DYDC2: variants seen among roughly 807,000 people sequenced by gnomAD.
DYDC2 encodes DPY30 domain-containing protein 2.
In DYDC2, 19 loss-of-function variants were observed where a neutral mutation model predicts 18.7. That is an observed-to-expected ratio of 1.02 (90% CI 0.71 to 1.49). The LOEUF (loss-of-function observed/expected upper bound fraction) is 1.49, where lower values mean the gene tolerates loss of function less well. Ranked by LOEUF, DYDC2 falls within the 40% of genes most tolerant of loss-of-function variation. The pLI is 0.00. For missense variants in DYDC2, 179 were observed against 205.1 expected (o/e 0.87, Z 0.78); for synonymous variants, 63 against 67.6 (o/e 0.93, Z 0.34).
intron 1 of DYDC2, among the ~76,000 whole-genome samples, chr10:80,357,218 G>A: frequency 6.7e-6 from 1 of 150,120 alleles, no homozygotes; most frequent in Non-Finnish European, 1.5e-5. Context: ...AGAGAGAAGC[G>A]GGCGCGCTCC....
chr10:80,356,538 G>A (rs916250425), upstream of DYDC2: 25 of 985,522 alleles, frequency 2.5e-5, no homozygotes, highest in African/African-American at 2.8e-4. Flanking sequence ...AGGGGGAGCA[G>A]GAGGACAGCT....
Position 80,367,140 on chromosome 10 carries a change from A to G in DYDC2, c.*189A>G. On this transcript the variant is annotated 3_prime_UTR_variant, in exon 5 of 5. Coordinates refer to ENST00000256039, the MANE Select transcript of DYDC2 (RefSeq NM_032372.6). ...TATAGGATAAAATAAACTCAGAATA[A>G]GGATTTAAAATAAGTAACCAAGTGG... is the stretch of plus-strand genomic sequence containing the variant. The G allele has an allele frequency of 1.5e-6, 1 of 657,530 alleles. No individual in the cohort carries two copies. The highest frequency in any genetic ancestry group is 2.4e-6 in the Non-Finnish European group (1 of 417,646). 40.7% of individuals were successfully genotyped at this position (657,530 alleles called of 1,614,324 possible).
At chr10:80,362,179 C>A (rs1195226089) in intron 2 of DYDC2, among the ~76,000 whole-genome samples, 2 of 152,132 alleles carry the variant, frequency 1.3e-5, no homozygotes, top group Admixed American at 1.3e-4. Context: ...ATTTGCTGGG[C>A]TCTTTTGGAA....
Position 80,363,020 on chromosome 10 carries a change from A to G in DYDC2, c.217A>G (p.Met73Val). ...CCTCAAGGAAATGGAAATGACAGAAATGCTGAAACAGGAAGAGTATCAGAT... is the reference window on the plus strand; with the variant it reads ...CCTCAAGGAAATGGAAATGACAGAAGTGCTGAAACAGGAAGAGTATCAGAT... ...SSLKEMEMTE[M>V]LKQEEYQIQQ... The change falls in exon 4 of 5, where the codon ATG (methionine) becomes GTG (valine). Residue 73 changes from methionine to valine, a missense_variant. Coordinates refer to ENST00000256039, the MANE Select transcript of DYDC2 (RefSeq NM_032372.6). 2.5e-6 allele frequency: 4 copies of G among 1,614,064 alleles called. No individual in the cohort carries two copies. Among genetic ancestry groups the G allele is most frequent in the Non-Finnish European group, 3.4e-6 (4 of 1,179,998 alleles).
intron 1 of DYDC2, among the ~76,000 whole-genome samples, chr10:80,348,869 C>T (rs1842819541): frequency 6.6e-6 from 1 of 152,096 alleles, no homozygotes; most frequent in African/African-American, 2.4e-5. Context: ...TGCATAAAAC[C>T]TCATTACAGA....
intron 4 of DYDC2, among the ~76,000 whole-genome samples, chr10:80,365,062 T>G (rs1011338836): frequency 6.6e-6 from 1 of 152,220 alleles, no homozygotes; most frequent in Admixed American, 6.5e-5. Context: ...TGGCCCAGGA[T>G]GGGTTGCATG....
At chr10:80,355,324 G>A (rs1843298061), upstream of DYDC2, among the ~76,000 whole-genome samples, 1 of 151,806 alleles carries the variant, frequency 6.6e-6, no homozygotes, top group Non-Finnish European at 1.5e-5. Context: ...ATGAACCCCA[G>A]GATGTCAGTG....
chr10:80,345,623 T>C (rs757504502), intron 1 of DYDC2, among the ~76,000 whole-genome samples: 4 of 152,180 alleles, frequency 2.6e-5, no homozygotes, highest in Non-Finnish European at 5.9e-5. Context: ...CACTGTTCTA[T>C]TCTCTCTTTT....
chr10:80,353,835 GATA>G (rs1401857663), upstream of DYDC2, among the ~76,000 whole-genome samples: 1 of 152,048 alleles, frequency 6.6e-6, no homozygotes, highest in East Asian at 1.9e-4. Flanking sequence ...AATCAATAAT[GATA>G]ATATCTCTTT....
At chr10:80,357,530 C>A (rs1396552694) in intron 1 of DYDC2, among the ~76,000 whole-genome samples, 1 of 152,058 alleles carries the variant, frequency 6.6e-6, no homozygotes, top group African/African-American at 2.4e-5. Flanking sequence ...TTCCAGAGTC[C>A]CTGGAAGACC....
At chr10:80,358,302 A>G (rs1441991198) in intron 2 of DYDC2, among the ~76,000 whole-genome samples, 3 of 152,076 alleles carry the variant, frequency 2.0e-5, no homozygotes, top group African/African-American at 7.2e-5. Flanking sequence ...TGCTTGAACC[A>G]AGGAGGCAGA....
upstream of DYDC2, chr10:80,352,555 T>G: frequency 6.2e-7 from 1 of 1,613,490 alleles, no homozygotes; most frequent in Non-Finnish European, 8.5e-7. Context: ...TGCAAGACCT[T>G]GAGTTAAACA....
chr10:80,357,884 T>A lies in DYDC2; in HGVS notation c.-162-9T>A, dbSNP rs1318849198. On this transcript the variant is annotated splice_polypyrimidine_tract_variant and intron_variant, in intron 1 of 4. Coordinates refer to ENST00000256039, the MANE Select transcript of DYDC2 (RefSeq NM_032372.6). ...CTCTCTCAATGAATAAGTCAAGAAA[T>A]ATTTACAGAGCTCCCAGTGTGCCAA... is the stretch of plus-strand genomic sequence containing the variant. 1.0e-6 allele frequency: 1 copy of A among 985,218 alleles called. No individual in the cohort carries two copies. Among genetic ancestry groups the A allele is most frequent in the Non-Finnish European group, 1.2e-6 (1 of 829,930 alleles). The allele number at this position is 985,218 out of a possible 1,614,324, so 61.0% of individuals were successfully genotyped here.
chr10:80,361,794 C>A (rs767304807), intron 2 of DYDC2, among the ~76,000 whole-genome samples: 1 of 152,148 alleles, frequency 6.6e-6, no homozygotes. Context: ...CTGTCCCCAA[C>A]GATTGTATTT....
chr10:80,348,334 T>C (rs1220910997), intron 1 of DYDC2, among the ~76,000 whole-genome samples: 1 of 152,272 alleles, frequency 6.6e-6, no homozygotes, highest in African/African-American at 2.4e-5. Context: ...ATTAAATGGC[T>C]TTGGAAATTA....
At chr10:80,346,921 A>G (rs1842677879) in intron 1 of DYDC2, among the ~76,000 whole-genome samples, 2 of 149,026 alleles carry the variant, frequency 1.3e-5, no homozygotes, top group South Asian at 4.3e-4. Flanking sequence ...CTAAAAATAC[A>G]AAAAAAAAAT....
chr10:80,352,040 G>C, upstream of DYDC2: 1 of 1,594,766 alleles, frequency 6.3e-7, no homozygotes, highest in Non-Finnish European at 8.6e-7. Flanking sequence ...CGACTTCTTA[G>C]CGAGAAAGCA....
chr10:80,354,218 G>A (rs1440546477), upstream of DYDC2: 2 of 151,352 alleles, frequency 1.3e-5, no homozygotes, highest in Admixed American at 1.3e-4. Flanking sequence ...CGGGCACAGT[G>A]GCTCACACCT....
At chr10:80,362,831 A>G (rs1236700564) in intron 3 of DYDC2, 120 bp from the exon 4 acceptor site, 2 of 1,374,720 alleles carry the variant, frequency 1.5e-6, no homozygotes, top group Non-Finnish European at 2.0e-6. Context: ...AAAGCTAGTT[A>G]CAAGAGGAAA....
Sources: gnomAD v4.1 joint callset for allele counts (sites outside exome capture counted in the v4.1 genomes callset) on GRCh38, gnomAD v4.1.1 for gene constraint, MANE v1.5 for transcripts, NCBI Gene and HGNC (gene_info 2026-07-23, HGNC 2026-07-21) for gene names.